Variants in HSF2BP observed in about 807,000 individuals in gnomAD.
HSF2BP encodes the protein heat shock factor 2-binding protein.
HSF2BP carries 35 observed loss-of-function variants against 35.0 expected under a neutral mutation model. That is an observed-to-expected ratio of 1.00 (90% CI 0.76 to 1.32). The LOEUF is 1.32. Among genes scored for constraint, HSF2BP ranks in the 40% most tolerant of loss-of-function variants. The pLI, the probability that HSF2BP is intolerant of heterozygous loss-of-function variation, is 0.00. For missense variants in HSF2BP, 326 were observed against 321.7 expected, an observed-to-expected ratio of 1.01 and a Z score of -0.10; for synonymous variants, 114 against 117.4, an observed-to-expected ratio of 0.97 and a Z score of 0.18.
rs753776175 is a variant in HSF2BP, at chr21:43,633,314, AC to A, written c.398del (p.Gly133ValfsTer19). 6.2e-7 allele frequency: 1 copy of A among 1,613,864 alleles called. No individual in the cohort carries two copies. Among genetic ancestry groups the A allele is most frequent in the African/African-American group, 1.3e-5 (1 of 75,008 alleles). On this transcript the variant is annotated frameshift_variant, in exon 5 of 9. Transcript: ENST00000291560. LOFTEE classifies it high-confidence loss of function. ...TGACGACTTCCTCACTGCTGGAGAC[AC>A]CCCACAAGAGGGTACACGCTGCTGC... ...MGAAACTLLW[G>X]VSSSEEVVKA... is the part of the protein sequence containing the mutation.
At chr21:43,657,417 T>C (rs1422569846) in intron 2 of HSF2BP, among the ~76,000 whole-genome samples, 1 of 152,178 alleles carries the variant, frequency 6.6e-6, no homozygotes, top group Non-Finnish European at 1.5e-5. Flanking sequence ...TGCAACTTTT[T>C]ATCACTGCAG....
At chr21:43,640,959 A>G (rs915674722) in intron 4 of HSF2BP, among the ~76,000 whole-genome samples, 3 of 152,238 alleles carry the variant, frequency 2.0e-5, no homozygotes, top group Non-Finnish European at 4.4e-5. Flanking sequence ...ATACTCATAC[A>G]TAACAGTTTA....
chr21:43,612,646 G>A lies in HSF2BP; in HGVS notation c.692+1184C>T, dbSNP rs1052951347. Among the ~76,000 whole-genome samples, 51 of 77,706 alleles carry A rather than the reference G, an allele frequency of 6.6e-4. No individual in the cohort carries two copies. The East Asian group carries it at 0.021, about 32-fold the overall frequency. The allele number at this position is 77,706 out of a possible 152,430, so 51.0% of individuals were successfully genotyped here. A position where few individuals can be genotyped will look rare whatever the true frequency, so the allele number is the denominator to read the frequency against. On this transcript the variant is annotated intron_variant, in intron 7 of 8. Coordinates refer to ENST00000291560, the MANE Select transcript of HSF2BP (RefSeq NM_007031.2). ...AGCCCGGGTGACAGAGCAAGACTCC[G>A]TCTCAAAAAAAAAAAAAAAAAAAAA...
the HSF2BP span, among the ~76,000 whole-genome samples, chr21:43,495,734 G>C: frequency 2.6e-5 from 3 of 116,170 alleles, no homozygotes; most frequent in Admixed American, 2.6e-4. Context: ...TCTCTGAAAT[G>C]ATTTTTTGAC....
At chr21:43,592,952 C>T (rs1447817086) in intron 7 of HSF2BP, among the ~76,000 whole-genome samples, 2 of 152,162 alleles carry the variant, frequency 1.3e-5, no homozygotes, top group Admixed American at 1.3e-4. Context: ...TCTGCAAATA[C>T]TGCAAAATAC....
chr21:43,605,814 G>A (rs2082128620), intron 7 of HSF2BP, among the ~76,000 whole-genome samples: 1 of 149,352 alleles, frequency 6.7e-6, no homozygotes, highest in Non-Finnish European at 1.5e-5. Flanking sequence ...CCACACAAAC[G>A]CATACACACC....
chr21:43,613,114 GAAT>G (rs2082229324), intron 7 of HSF2BP, among the ~76,000 whole-genome samples: 1 of 152,172 alleles, frequency 6.6e-6, no homozygotes, highest in Admixed American at 6.5e-5. Flanking sequence ...TTTAACAAAA[GAAT>G]AAAAGCAGAG....
intron 4 of HSF2BP, among the ~76,000 whole-genome samples, chr21:43,640,696 G>A (rs1399520896): frequency 6.6e-6 from 1 of 151,938 alleles, no homozygotes; most frequent in East Asian, 1.9e-4. Context: ...CCGGGTGAAG[G>A]GTATAGATAA....
At chr21:43,633,550 G>A in intron 4 of HSF2BP, 129 bp from the exon 5 acceptor site, 1 of 853,302 alleles carries the variant, frequency 1.2e-6, no homozygotes, top group Non-Finnish European at 1.7e-6. Flanking sequence ...AGTTGCAAAT[G>A]AAAGCTAGTC....
chr21:43,602,190 A>G (rs1205775893), intron 7 of HSF2BP, among the ~76,000 whole-genome samples: 1 of 152,220 alleles, frequency 6.6e-6, no homozygotes, highest in African/African-American at 2.4e-5. Flanking sequence ...CTAGTGAACA[A>G]AGTGTGGTAC....
At chr21:43,646,030 T>C (rs1189063221) in intron 3 of HSF2BP, among the ~76,000 whole-genome samples, 1 of 151,612 alleles carries the variant, frequency 6.6e-6, no homozygotes, top group East Asian at 1.9e-4. Context: ...ATGCGTTTCT[T>C]AGGGGCCCGG....
chr21:43,656,662 T>C lies in HSF2BP; in HGVS notation c.112A>G (p.Ile38Val), dbSNP rs779222708. The change falls in exon 3 of 9, where the codon ATA becomes GTA. Residue 38 changes from isoleucine to valine, a missense_variant. Coordinates refer to ENST00000291560, the MANE Select transcript of HSF2BP (RefSeq NM_007031.2). ...LERLTTEVMQ[I>V]RDFLPRILNG... ...AGTATTCTGGGTAAGAAGTCCCGTA[T>C]TTGCATCACTTCAGTTGTCAGCCGT... The C allele has an allele frequency of 9.3e-6, 15 of 1,613,856 alleles. No homozygotes were observed. The highest frequency in any genetic ancestry group is 1.3e-5 in the Non-Finnish European group (15 of 1,179,852).
At chr21:43,586,451 A>AT (rs775081245) in intron 8 of HSF2BP, among the ~76,000 whole-genome samples, 53 of 151,054 alleles carry the variant, frequency 3.5e-4, no homozygotes, top group African/African-American at 1.1e-3. Context: ...GCAGCATGAG[A>AT]TTTTTTTTTT....
intron 3 of HSF2BP, among the ~76,000 whole-genome samples, chr21:43,651,906 A>G (rs1378138914): frequency 6.6e-6 from 1 of 152,202 alleles, no homozygotes; most frequent in Non-Finnish European, 1.5e-5. Flanking sequence ...AGTCCTCCCA[A>G]AGGGAGATGC....
At chr21:43,625,391 A>G (rs2082377389) in intron 6 of HSF2BP, among the ~76,000 whole-genome samples, 1 of 152,170 alleles carries the variant, frequency 6.6e-6, no homozygotes, top group Admixed American at 6.5e-5. Context: ...TACTGAACAA[A>G]TCACAAAATC....
intron 8 of HSF2BP, among the ~76,000 whole-genome samples, chr21:43,590,091 G>A (rs991669543): frequency 4.6e-5 from 7 of 152,156 alleles, no homozygotes; most frequent in Admixed American, 6.5e-5. Flanking sequence ...TGAAAGATGA[G>A]CCACAAGCTG....
intron 6 of HSF2BP, 133 bp downstream of exon 6, chr21:43,630,189 A>T: frequency 1.5e-6 from 1 of 650,902 alleles, no homozygotes; most frequent in Non-Finnish European, 2.6e-6. Context: ...ACTACAGTAT[A>T]GTGTAAACAT....
chr21:43,627,105 A>C (rs1478871830), intron 6 of HSF2BP, among the ~76,000 whole-genome samples: 2 of 152,128 alleles, frequency 1.3e-5, no homozygotes, highest in African/African-American at 4.8e-5. Flanking sequence ...TCCTGACTTC[A>C]AATGATCCAC....
At chr21:43,621,787 T>A (rs993162381) in intron 6 of HSF2BP, among the ~76,000 whole-genome samples, 2 of 151,892 alleles carry the variant, frequency 1.3e-5, no homozygotes, top group Non-Finnish European at 2.9e-5. Context: ...AAGAAAAAAA[T>A]TGAGGGTATA....
Sources: allele counts gnomAD v4.1 joint callset (sites outside exome capture counted in the v4.1 genomes callset), GRCh38; gene constraint gnomAD v4.1.1; transcripts MANE v1.5; gene names NCBI Gene and HGNC (gene_info 2026-07-23, HGNC 2026-07-21).